SCN2A: variants seen among roughly 807,000 people sequenced by gnomAD.
The protein encoded by SCN2A is sodium channel protein type 2 subunit alpha.
SCN2A carries 20 observed loss-of-function variants against 188.7 expected under a neutral mutation model. The ratio of observed to expected loss-of-function variants is 0.11; its 90% CI spans 0.07 to 0.15. SCN2A has a LOEUF of 0.15. SCN2A is among the 10% of genes least tolerant of loss of function. The probability of loss-of-function intolerance (pLI) is 1.00; values close to 1 mark genes in which losing one functional copy is unlikely to be tolerated. For missense variants in SCN2A, 1,278 were observed against 2,445.0 expected, an observed-to-expected ratio of 0.52 and a Z score of 10.07; for synonymous variants, 804 against 833.1, an observed-to-expected ratio of 0.97 and a Z score of 0.60.
chr2:165,314,182 C>T (rs1444845236), intron 10 of SCN2A, 74 bp downstream of exon 10: 2 of 1,463,520 alleles, frequency 1.4e-6, no homozygotes, highest in African/African-American at 2.8e-5. Context: ...AGGTCAGTGG[C>T]AAGGTAGTTG....
At chr2:165,308,576 A>C (rs962457131) in intron 4 of SCN2A, 90 bp from the exon 5 acceptor site, 1 of 1,439,854 alleles carries the variant, frequency 6.9e-7, no homozygotes, top group African/African-American at 1.4e-5. Flanking sequence ...GAAGTGTCTA[A>C]TTTTTGTTTG....
chr2:165,353,319 G>A (rs73969376), intron 16 of SCN2A, among the ~76,000 whole-genome samples: 2,342 of 152,040 alleles, frequency 0.015, 56 homozygotes, highest in African/African-American at 0.053. Flanking sequence ...CAATAAATAC[G>A]TTTTTGTCTG....
chr2:165,322,441 C>CA (rs1296127920), intron 11 of SCN2A, among the ~76,000 whole-genome samples: 1 of 152,022 alleles, frequency 6.6e-6, no homozygotes, highest in Non-Finnish European at 1.5e-5. Context: ...TTTAAAAAAA[C>CA]AAAAAATTAA....
chr2:165,320,440 C>G (rs952446975), intron 11 of SCN2A: 1 of 152,294 alleles, frequency 6.6e-6, no homozygotes. Flanking sequence ...ACAGCTCCAG[C>G]AGGCAGTGCC....
chr2:165,249,449 CT>C (rs532789454), intron 1 of SCN2A, among the ~76,000 whole-genome samples: 158 of 152,094 alleles, frequency 1.0e-3, no homozygotes, highest in Middle Eastern at 3.4e-3. Flanking sequence ...TAATTATGCT[CT>C]TTTTTTAAAG....
At chr2:165,275,521 T>C (rs569751713) in intron 1 of SCN2A, among the ~76,000 whole-genome samples, 1 of 152,294 alleles carries the variant, frequency 6.6e-6, no homozygotes, top group South Asian at 2.1e-4. Context: ...CATTACTGTA[T>C]CCCAAGCATC....
chr2:165,248,605 A>T (rs1380544238), intron 1 of SCN2A, among the ~76,000 whole-genome samples: 1 of 151,874 alleles, frequency 6.6e-6, no homozygotes, highest in African/African-American at 2.4e-5. Context: ...CTTTGTTATC[A>T]TTTGCTTTGC....
chr2:165,356,429 G>A lies in SCN2A; in HGVS notation c.3399+1758G>A, dbSNP rs530756857. Among the ~76,000 whole-genome samples the A allele has an allele frequency of 3.3e-5, 5 of 152,264 alleles. No individual in the cohort carries two copies. The South Asian group carries it at 1.0e-3, about 32-fold the overall frequency. On this transcript the variant is annotated intron_variant, in intron 17 of 26. Coordinates refer to ENST00000375437, the MANE Select transcript of SCN2A (RefSeq NM_001040142.2). The stretch of plus-strand genomic sequence containing the variant: ...GGAGTGGCCCAATTTCATATACAGT[G>A]TACTGCTCTTATAGAAGCTGAAGTC...
At chr2:165,334,708 A>T (rs1192162781) in intron 14 of SCN2A, among the ~76,000 whole-genome samples, 1 of 151,854 alleles carries the variant, frequency 6.6e-6, no homozygotes, top group Admixed American at 6.6e-5. Context: ...GTCAAGAAGA[A>T]GGCAAGGATA....
At chr2:165,364,486 A>G (rs1700623156) in intron 17 of SCN2A, among the ~76,000 whole-genome samples, 1 of 152,268 alleles carries the variant, frequency 6.6e-6, no homozygotes, top group Non-Finnish European at 1.5e-5. Context: ...AGGGCAGGTA[A>G]GAGTGCCAGA....
chr2:165,334,150 G>A (rs1698849710), intron 14 of SCN2A, among the ~76,000 whole-genome samples: 1 of 151,158 alleles, frequency 6.6e-6, no homozygotes, highest in South Asian at 2.1e-4. Flanking sequence ...GCCAAAAAAA[G>A]CCTGAGCCCA....
Position 165,389,580 on chromosome 2 carries a change from T to C in SCN2A, c.5774T>C (p.Val1925Ala). ...AYRRYLLKQKVKKVSSIYKKD... is the reference protein window; with the variant it reads ...AYRRYLLKQKAKKVSSIYKKD... The stretch of plus-strand genomic sequence containing the variant: ...AGACGCTACCTCTTGAAGCAAAAAG[T>C]TAAAAAGGTATCAAGTATATACAAG... The change falls in exon 27 of 27, where the codon GTT (valine) becomes GCT (alanine). Residue 1925 changes from valine to alanine, a missense_variant. Transcript: ENST00000375437. This position sits in a 1 kb window ranked among gnomAD's most constrained non-coding sequence, Gnocchi z 4.2. 1 of 1,613,608 alleles carries C rather than the reference T, an allele frequency of 6.2e-7. No homozygotes were observed. Among genetic ancestry groups the C allele is most frequent in the Non-Finnish European group, 8.5e-7 (1 of 1,179,884 alleles).
In SCN2A at chr2:165,331,311, C is replaced by A; in HGVS notation, c.2150-19C>A. On this transcript the variant is annotated intron_variant, in intron 13 of 26. Transcript: ENST00000375437. ...AAAGTAAGCAGTTTTCATGAGGATTCTAACTTTTTTTCTTCCAGAACTTGA... is the reference window on the plus strand; with the variant it reads ...AAAGTAAGCAGTTTTCATGAGGATTATAACTTTTTTTCTTCCAGAACTTGA... The A allele has an allele frequency of 6.3e-7, 1 of 1,581,018 alleles. No homozygotes were observed. The highest frequency in any genetic ancestry group is 1.3e-5 in the African/African-American group (1 of 74,300).
chr2:165,323,412 A>G lies in SCN2A; in HGVS notation c.1928A>G (p.Lys643Arg). The G allele has an allele frequency of 6.2e-7, 1 of 1,614,130 alleles. No homozygotes were observed. Residue 643 changes from lysine (K) to arginine (R), a missense_variant, in exon 12 of 27, where the codon AAG becomes AGG. Coordinates refer to ENST00000375437, the MANE Select transcript of SCN2A (RefSeq NM_001040142.2). ...RVLPILPMNG[K>R]MHSAVDCNGV... ...CTCCCCATCCTGCCCATGAATGGGAAGATGCATAGCGCTGTGGACTGCAAT... is the reference window on the plus strand; with the variant it reads ...CTCCCCATCCTGCCCATGAATGGGAGGATGCATAGCGCTGTGGACTGCAAT...
intron 11 of SCN2A, among the ~76,000 whole-genome samples, chr2:165,317,200 G>A (rs942248348): frequency 2.0e-5 from 3 of 151,798 alleles, no homozygotes; most frequent in Non-Finnish European, 4.4e-5. Flanking sequence ...ATTTAACATA[G>A]GATCTTTAAA....
At chr2:165,378,936 A>C (rs1015072424) in intron 23 of SCN2A, among the ~76,000 whole-genome samples, 2 of 151,870 alleles carry the variant, frequency 1.3e-5, no homozygotes, top group Admixed American at 6.6e-5. Context: ...TGGCAATACC[A>C]AAAAGTCTGA....
intron 16 of SCN2A, among the ~76,000 whole-genome samples, chr2:165,353,719 A>G (rs1394335998): frequency 1.3e-5 from 2 of 152,078 alleles, no homozygotes; most frequent in Admixed American, 6.6e-5. Context: ...TTAAATAACA[A>G]CATCTCATGA....
intron 17 of SCN2A, among the ~76,000 whole-genome samples, chr2:165,364,781 A>G (rs1336116773): frequency 6.6e-6 from 1 of 152,204 alleles, no homozygotes; most frequent in East Asian, 1.9e-4. Flanking sequence ...TTAGAATAAA[A>G]CAAACTATTT....
chr2:165,332,670 G>A (rs1008868083), intron 14 of SCN2A, among the ~76,000 whole-genome samples: 4 of 151,972 alleles, frequency 2.6e-5, no homozygotes, highest in Non-Finnish European at 5.9e-5. Flanking sequence ...TTAGAGCTAT[G>A]TAAGAATTTC....
Sources: allele counts gnomAD v4.1 joint callset (sites outside exome capture counted in the v4.1 genomes callset), GRCh38; gene constraint gnomAD v4.1.1; non-coding constraint Gnocchi (gnomAD v3.1); transcripts MANE v1.5; gene names NCBI Gene and HGNC (gene_info 2026-07-23, HGNC 2026-07-21).